The following CTNNA3 variants were observed in gnomAD, a reference collection of about 807,000 sequenced individuals.
CTNNA3 encodes the protein catenin alpha 3.
Under a neutral mutation model 95.7 loss-of-function variants are expected in CTNNA3, and 76 were observed. The ratio of observed to expected loss-of-function variants is 0.79; its 90% CI spans 0.66 to 0.96. The LOEUF (loss-of-function observed/expected upper bound fraction) is 0.96. CTNNA3 is among the 40% of genes least tolerant of loss of function. The probability of loss-of-function intolerance (pLI) is 0.00; values close to 1 mark genes in which losing one functional copy is unlikely to be tolerated. For synonymous variants in CTNNA3, 431 were observed against 374.4 expected, an observed-to-expected ratio of 1.15 and a Z score of -1.74; for missense variants, 1,191 against 1,089.8, an observed-to-expected ratio of 1.09 and a Z score of -1.31.
rs149616403 is a variant in CTNNA3, at chr10:66,917,605, T to C, written c.1048-142081A>G. Reference sequence around the variant, plus strand: ...ACAAAAATAAAACCAACCTATGGCATAGCTGTTTCTTTATCAAAATCAAGA... The same window carrying C: ...ACAAAAATAAAACCAACCTATGGCACAGCTGTTTCTTTATCAAAATCAAGA... On this transcript the variant is annotated intron_variant, in intron 7 of 17. Coordinates refer to ENST00000433211, the MANE Select transcript of CTNNA3 (RefSeq NM_013266.4). 2.6e-5 allele frequency among the ~76,000 whole-genome samples: 4 copies of C among 152,346 alleles called. No homozygotes were observed. The East Asian group carries it at 7.7e-4, about 29-fold the overall frequency.
chr10:66,865,486 T>A (rs539626254), intron 7 of CTNNA3, among the ~76,000 whole-genome samples: 1 of 152,276 alleles, frequency 6.6e-6, no homozygotes, highest in Non-Finnish European at 1.5e-5. Flanking sequence ...TTTTTCTTGC[T>A]GAATATTCTC....
intron 5 of CTNNA3, among the ~76,000 whole-genome samples, chr10:67,367,379 A>C (rs560803938): frequency 6.6e-6 from 1 of 152,092 alleles, no homozygotes; most frequent in African/African-American, 2.4e-5. Flanking sequence ...ATCTTACACA[A>C]GTCAGAATGT....
At position 67,552,984 on chromosome 10, in the gene CTNNA3, G is replaced by A. The variant is rs540841663; in HGVS notation, c.293-13315C>T. Among the ~76,000 whole-genome samples, 34 of 151,652 alleles carry A rather than the reference G, an allele frequency of 2.2e-4. 1 individual carries two copies. Among genetic ancestry groups the A allele is most frequent in the Admixed American group, 1.4e-3 (21 of 15,214 alleles). ...TTTTCTTTGGCCCTTTTTTAACCCC[G>A]TTTTTTTACCACCCAATCTCTTTCA... On this transcript the variant is annotated intron_variant, in intron 3 of 17. Coordinates refer to ENST00000433211, the MANE Select transcript of CTNNA3 (RefSeq NM_013266.4).
rs1443997402 is a variant in CTNNA3, at chr10:66,487,736, A to C, written c.1531+32881T>G. Among the ~76,000 whole-genome samples the C allele has an allele frequency of 2.0e-5, 3 of 152,310 alleles. No individual in the cohort carries two copies. In the East Asian group the frequency reaches 5.8e-4, roughly 29 times the overall value. On this transcript the variant is annotated intron_variant, in intron 11 of 17. Coordinates refer to ENST00000433211, the MANE Select transcript of CTNNA3 (RefSeq NM_013266.4). ...ACAAAACAAAACAAAAAACCTTGCA[A>C]TCTCCTGCCAACAGTTAAACAACAC...
chr10:66,926,541 C>G (rs367976356), intron 7 of CTNNA3: 1 of 1,612,854 alleles, frequency 6.2e-7, no homozygotes, highest in Non-Finnish European at 8.5e-7. Context: ...GGCCCCTAAG[C>G]CAAAGCAAAA....
intron 7 of CTNNA3, among the ~76,000 whole-genome samples, chr10:66,948,884 G>A: frequency 6.6e-6 from 1 of 152,142 alleles, no homozygotes; most frequent in East Asian, 1.9e-4. Flanking sequence ...AAGAGAGGGA[G>A]GAGAAGGTGT....
intron 13 of CTNNA3, among the ~76,000 whole-genome samples, chr10:66,152,712 T>C (rs10822733): frequency 0.18 from 26,968 of 151,780 alleles, 2,600 homozygotes; most frequent in Admixed American, 0.25. Context: ...AAGTATGACT[T>C]TTTCCTATTA....
intron 5 of CTNNA3, among the ~76,000 whole-genome samples, chr10:67,370,030 G>A (rs1285570411): frequency 2.0e-5 from 3 of 152,102 alleles, no homozygotes; most frequent in Admixed American, 6.6e-5. Context: ...ATACTTAAGT[G>A]TATGTATGTA....
intron 7 of CTNNA3, among the ~76,000 whole-genome samples, chr10:66,956,007 C>G (rs1311959471): frequency 1.3e-5 from 2 of 152,026 alleles, no homozygotes; most frequent in Non-Finnish European, 2.9e-5. Context: ...ACTTGCAGAG[C>G]CTTTAAGGGA....
chr10:66,438,123 G>C (rs2093350657), intron 11 of CTNNA3, among the ~76,000 whole-genome samples: 1 of 152,140 alleles, frequency 6.6e-6, no homozygotes, highest in South Asian at 2.1e-4. Context: ...TCCTGTATGA[G>C]ATGTCTGTTG....
intron 7 of CTNNA3, among the ~76,000 whole-genome samples, chr10:66,831,848 A>G (rs1028659525): frequency 6.6e-6 from 1 of 152,168 alleles, no homozygotes; most frequent in African/African-American, 2.4e-5. Context: ...TTCAGGGATG[A>G]GATATTCTGA....
chr10:66,592,058 T>C (rs1182785216), intron 10 of CTNNA3, among the ~76,000 whole-genome samples: 1 of 150,368 alleles, frequency 6.7e-6, no homozygotes, highest in Non-Finnish European at 1.5e-5. Context: ...TTATTGCTGT[T>C]AAATGTTCCT....
chr10:67,093,477 T>C (rs1234157584), intron 7 of CTNNA3, among the ~76,000 whole-genome samples: 2 of 151,594 alleles, frequency 1.3e-5, no homozygotes, highest in African/African-American at 4.8e-5. Context: ...AAGAAAAGAA[T>C]AAAAGGACCC....
intron 12 of CTNNA3, among the ~76,000 whole-genome samples, chr10:66,310,686 C>A (rs1589067042): frequency 1.5e-5 from 2 of 132,604 alleles, no homozygotes; most frequent in Non-Finnish European, 1.6e-5. Context: ...TTATACATAA[C>A]TTTTTTTTTT....
chr10:66,320,902 T>G (rs919162805), intron 12 of CTNNA3, among the ~76,000 whole-genome samples: 1 of 152,134 alleles, frequency 6.6e-6, no homozygotes, highest in Non-Finnish European at 1.5e-5. Flanking sequence ...AAGAAATGTG[T>G]TGTTATCAAC....
intron 1 of CTNNA3, among the ~76,000 whole-genome samples, chr10:67,743,817 A>C (rs1589587487): frequency 6.6e-6 from 1 of 151,206 alleles, no homozygotes; most frequent in African/African-American, 2.4e-5. Flanking sequence ...CAGGATACAA[A>C]ATCAATGTGC....
intron 13 of CTNNA3, among the ~76,000 whole-genome samples, chr10:66,180,419 G>T (rs1306202279): frequency 2.6e-5 from 4 of 152,148 alleles, no homozygotes; most frequent in Non-Finnish European, 1.5e-5. Flanking sequence ...TCATTGAGGA[G>T]GGAAGAGTTT....
chr10:66,804,432 G>T (rs1841559085), intron 7 of CTNNA3, among the ~76,000 whole-genome samples: 1 of 151,898 alleles, frequency 6.6e-6, no homozygotes, highest in Non-Finnish European at 1.5e-5. Context: ...TCTCTGTTCT[G>T]CTTTCCTAAT....
At chr10:67,723,932 G>T (rs1841193918) in intron 1 of CTNNA3, among the ~76,000 whole-genome samples, 1 of 152,088 alleles carries the variant, frequency 6.6e-6, no homozygotes, top group South Asian at 2.1e-4. Context: ...TAGTGCCCAA[G>T]ATTAACCCAC....
Sources: gnomAD v4.1 joint callset for allele counts (sites outside exome capture counted in the v4.1 genomes callset) on GRCh38, gnomAD v4.1.1 for gene constraint, MANE v1.5 for transcripts, NCBI Gene and HGNC (gene_info 2026-07-23, HGNC 2026-07-21) for gene names.